The following EEF2K variants were observed in gnomAD, a reference collection of about 807,000 sequenced individuals.
EEF2K encodes eukaryotic elongation factor 2 kinase, also known as alternative protein EEF2K.
EEF2K carries 70 observed loss-of-function variants against 93.8 expected under a neutral mutation model. The ratio of observed to expected loss-of-function variants is 0.75; its 90% CI spans 0.62 to 0.91. The LOEUF is 0.91. Among genes scored for constraint, EEF2K ranks in the 40% least tolerant of loss-of-function variants. The probability of loss-of-function intolerance (pLI) is 0.00; values close to 1 mark genes in which losing one functional copy is unlikely to be tolerated. For missense variants in EEF2K, 935 were observed against 972.9 expected, an observed-to-expected ratio of 0.96 and a Z score of 0.52; for synonymous variants, 376 against 380.8, an observed-to-expected ratio of 0.99 and a Z score of 0.15.
At chr16:22,264,382 A>T (rs1021103114) in intron 12 of EEF2K, among the ~76,000 whole-genome samples, 1 of 150,072 alleles carries the variant, frequency 6.7e-6, no homozygotes, top group Non-Finnish European at 1.5e-5. Flanking sequence ...ATGTGAGAGG[A>T]TTGCTTGAAC....
intron 16 of EEF2K, among the ~76,000 whole-genome samples, chr16:22,278,396 C>T (rs1029858254): frequency 5.3e-5 from 8 of 152,260 alleles, no homozygotes; most frequent in Admixed American, 2.6e-4. Context: ...AGGGGACACA[C>T]GTTCCAACCA....
At chr16:22,234,742 C>T (rs2047150000) in intron 2 of EEF2K, among the ~76,000 whole-genome samples, 1 of 152,008 alleles carries the variant, frequency 6.6e-6, no homozygotes, top group African/African-American at 2.4e-5. Flanking sequence ...CACATCCCAC[C>T]CAGCCCCAGG....
chr16:22,265,639 C>T (rs551502968), intron 13 of EEF2K, among the ~76,000 whole-genome samples: 1 of 152,252 alleles, frequency 6.6e-6, no homozygotes, highest in Non-Finnish European at 1.5e-5. Flanking sequence ...CAAGGCACTA[C>T]TGGCATTCTG....
intron 6 of EEF2K, among the ~76,000 whole-genome samples, chr16:22,256,353 C>T (rs2047398490): frequency 1.3e-5 from 2 of 152,100 alleles, no homozygotes. Flanking sequence ...ACACCTTGGC[C>T]TCCCAAAGGG....
chr16:22,247,495 C>T (rs529884364), intron 3 of EEF2K, among the ~76,000 whole-genome samples: 1 of 151,714 alleles, frequency 6.6e-6, no homozygotes, highest in South Asian at 2.1e-4. Flanking sequence ...TGTGCAATAG[C>T]TGGCCATAAA....
intron 6 of EEF2K, among the ~76,000 whole-genome samples, chr16:22,253,482 C>T (rs551255691): frequency 2.0e-5 from 3 of 152,148 alleles, no homozygotes; most frequent in African/African-American, 7.2e-5. Context: ...TTGTTCCTGC[C>T]CCAAAACCTT....
intron 16 of EEF2K, among the ~76,000 whole-genome samples, chr16:22,275,395 T>G (rs187060561): frequency 1.6e-4 from 24 of 152,254 alleles, no homozygotes; most frequent in African/African-American, 5.8e-4. Flanking sequence ...CAGGCTTGAA[T>G]GCACTGGTGC....
intron 13 of EEF2K, 138 bp from the exon 14 acceptor site, chr16:22,266,252 G>T: frequency 1.6e-6 from 2 of 1,251,236 alleles, no homozygotes; most frequent in Non-Finnish European, 1.1e-6. Context: ...GCCATGTTTT[G>T]CCAATAAACT....
At chr16:22,231,687 C>A (rs1384875126) in intron 2 of EEF2K, among the ~76,000 whole-genome samples, 1 of 151,756 alleles carries the variant, frequency 6.6e-6, no homozygotes, top group Non-Finnish European at 1.5e-5. Flanking sequence ...ATAAATACCC[C>A]CTCCTCAAAA....
chr16:22,253,544 G>A (rs1446679111), intron 6 of EEF2K, among the ~76,000 whole-genome samples: 3 of 152,070 alleles, frequency 2.0e-5, no homozygotes, highest in Admixed American at 2.0e-4. Context: ...ATTCTTGCAT[G>A]GCTAGCTACT....
chr16:22,245,530 G>A (rs1325899194), intron 3 of EEF2K, among the ~76,000 whole-genome samples: 1 of 152,042 alleles, frequency 6.6e-6, no homozygotes, highest in Non-Finnish European at 1.5e-5. Context: ...CTCACCGAGG[G>A]TGGGGTGTTC....
intron 2 of EEF2K, among the ~76,000 whole-genome samples, chr16:22,240,680 A>G (rs1006132201): frequency 6.6e-6 from 1 of 152,226 alleles, no homozygotes; most frequent in East Asian, 1.9e-4. Context: ...CACATATGAC[A>G]TGGAAAGATG....
intron 9 of EEF2K, 29 bp from the exon 10 acceptor site, chr16:22,258,465 G>T: frequency 1.2e-6 from 2 of 1,610,784 alleles, no homozygotes; most frequent in South Asian, 2.2e-5. Context: ...GTGTGTGCGT[G>T]ACATGAGTAT....
chr16:22,219,559 T>C (rs977412076), intron 1 of EEF2K, among the ~76,000 whole-genome samples: 5 of 152,122 alleles, frequency 3.3e-5, no homozygotes, highest in African/African-American at 1.2e-4. Context: ...AGCCCAGAGA[T>C]CAAGGCTGCA....
rs1254211785 is a variant in EEF2K, at chr16:22,251,202, C to T, written c.498C>T (p.Asn166=). The T allele has an allele frequency of 3.1e-6, 5 of 1,614,016 alleles. No homozygotes were observed. The highest frequency in any genetic ancestry group is 4.2e-6 in the Non-Finnish European group (5 of 1,180,034). Residue 166 remains asparagine, a synonymous_variant, in exon 6 of 18, where the codon AAC becomes AAT. Coordinates refer to ENST00000263026, the MANE Select transcript of EEF2K (RefSeq NM_013302.5). The stretch of plus-strand genomic sequence containing the variant: ...CCCAGCAGTGGAAGGGCGCCTCCAA[C>T]TACGTGGCGAAGCGCTACATCGAGC... ...LHAQQWKGAS[N]YVAKRYIEPV... is the part of the protein sequence containing the mutation.
chr16:22,241,648 A>AAC (rs1555470835), intron 2 of EEF2K, among the ~76,000 whole-genome samples: 2 of 151,488 alleles, frequency 1.3e-5, no homozygotes, highest in African/African-American at 4.8e-5. Context: ...AAAAAAAAAA[A>AAC]AAAAAAAAAA....
At chr16:22,258,418 G>C in intron 9 of EEF2K, 76 bp from the exon 10 acceptor site, 1 of 1,490,826 alleles carries the variant, frequency 6.7e-7, no homozygotes, top group Non-Finnish European at 9.2e-7. Context: ...TTCAGGGTTA[G>C]AGGGAACAAC....
rs2047344547 is a variant in EEF2K at position 22,251,020 on chromosome 16, C to T, written c.447-131C>T. ...AGAGGGGTGGGGACGTCCTTCTTAC[C>T]TCCTGCATTTTGTTCCTGCTGCCAG... On this transcript the variant is annotated intron_variant, in intron 5 of 17. Transcript: ENST00000263026. 4 of 1,126,982 alleles carry T rather than the reference C, an allele frequency of 3.5e-6. No homozygotes were observed. The East Asian group carries it at 7.1e-5, about 20-fold the overall frequency. The allele number at this position is 1,126,982 out of a possible 1,614,324, so 69.8% of individuals were successfully genotyped here.
At chr16:22,269,763 G>A (rs767638108) in intron 15 of EEF2K, among the ~76,000 whole-genome samples, 3 of 152,050 alleles carry the variant, frequency 2.0e-5, no homozygotes, top group Non-Finnish European at 4.4e-5. Flanking sequence ...CTGCATGGAC[G>A]TGAATATTGG....
Sources: gnomAD v4.1 joint callset for allele counts (sites outside exome capture counted in the v4.1 genomes callset) on GRCh38, gnomAD v4.1.1 for gene constraint, MANE v1.5 for transcripts, NCBI Gene and HGNC (gene_info 2026-07-23, HGNC 2026-07-21) for gene names.